The following PAPPA variants were observed in gnomAD, a reference collection of about 807,000 sequenced individuals.
PAPPA encodes the protein pappalysin-1.
In PAPPA, 60 loss-of-function variants were observed where a neutral mutation model predicts 164.0. The ratio of observed to expected loss-of-function variants is 0.37; its 90% CI spans 0.30 to 0.45. The LOEUF (loss-of-function observed/expected upper bound fraction) is 0.45, where lower values mean the gene tolerates loss of function less well. PAPPA is among the 20% of genes least tolerant of loss of function. The pLI is 1.00. For missense variants in PAPPA, 1,782 were observed against 2,087.3 expected, an observed-to-expected ratio of 0.85 and a Z score of 2.85; for synonymous variants, 875 against 814.1, an observed-to-expected ratio of 1.07 and a Z score of -1.27.
At chr9:116,284,576 G>A (rs551566297) in intron 9 of PAPPA, among the ~76,000 whole-genome samples, 35 of 86,774 alleles carry the variant, frequency 4.0e-4, no homozygotes, top group Admixed American at 6.8e-4. Flanking sequence ...TTTGACCCAT[G>A]AACTTGTATA....
At chr9:116,173,128 A>G in intron 1 of PAPPA, among the ~76,000 whole-genome samples, 1 of 152,194 alleles carries the variant, frequency 6.6e-6, no homozygotes, top group East Asian at 1.9e-4. Flanking sequence ...TGAACTAATC[A>G]TCCTCTACCT....
chr9:116,386,895 G>A (rs915712466), intron 21 of PAPPA, among the ~76,000 whole-genome samples: 9 of 152,162 alleles, frequency 5.9e-5, no homozygotes, highest in Non-Finnish European at 1.3e-4. Flanking sequence ...CCACAGAACA[G>A]AAGAAAGTTC....
intron 5 of PAPPA, 83 bp from the exon 6 acceptor site, chr9:116,227,348 C>T: frequency 7.1e-7 from 1 of 1,415,750 alleles, no homozygotes; most frequent in Non-Finnish European, 9.9e-7. Context: ...TCCTCTGCCC[C>T]ATTGACTCTG....
chr9:116,345,876 G>A (rs1846201132), intron 14 of PAPPA, among the ~76,000 whole-genome samples: 1 of 152,146 alleles, frequency 6.6e-6, no homozygotes, highest in Non-Finnish European at 1.5e-5. Flanking sequence ...TGGGATTTGA[G>A]GATTTCTGTC....
chr9:116,217,025 C>T (rs1217520124), intron 4 of PAPPA, among the ~76,000 whole-genome samples: 1 of 152,190 alleles, frequency 6.6e-6, no homozygotes, highest in Non-Finnish European at 1.5e-5. Context: ...CAGGAGAGAG[C>T]CACTGTGCCC....
At chr9:116,368,413 G>A (rs894227933) in intron 19 of PAPPA, among the ~76,000 whole-genome samples, 1 of 152,170 alleles carries the variant, frequency 6.6e-6, no homozygotes, top group Non-Finnish European at 1.5e-5. Flanking sequence ...TGAGGTGATG[G>A]GCCCTGAACC....
At chr9:116,339,623 C>A (rs1172000309) in intron 13 of PAPPA, among the ~76,000 whole-genome samples, 1 of 152,156 alleles carries the variant, frequency 6.6e-6, no homozygotes, top group Non-Finnish European at 1.5e-5. Flanking sequence ...TAGTGTGGAG[C>A]ACTTGTCTTT....
At chr9:116,206,350 C>A (rs554956698) in intron 2 of PAPPA, among the ~76,000 whole-genome samples, 1 of 152,250 alleles carries the variant, frequency 6.6e-6, no homozygotes, top group African/African-American at 2.4e-5. Context: ...CGCTAGATCT[C>A]AGACGTATCC....
chr9:116,213,539 A>C (rs994069891), intron 4 of PAPPA, among the ~76,000 whole-genome samples: 4 of 152,074 alleles, frequency 2.6e-5, no homozygotes, highest in African/African-American at 4.8e-5. Flanking sequence ...CTAAAGTTCC[A>C]TTTCTATAGC....
chr9:116,214,503 A>G (rs1176862315), intron 4 of PAPPA, among the ~76,000 whole-genome samples: 1 of 152,184 alleles, frequency 6.6e-6, no homozygotes, highest in Non-Finnish European at 1.5e-5. Flanking sequence ...GTTACTAACT[A>G]GTAAGTATCT....
chr9:116,327,896 G>A (rs535269119), intron 10 of PAPPA, among the ~76,000 whole-genome samples: 1 of 152,292 alleles, frequency 6.6e-6, no homozygotes, highest in East Asian at 1.9e-4. Context: ...AGTTTCAGCT[G>A]GATTTGTTCA....
At chr9:116,216,293 G>A (rs933601344) in intron 4 of PAPPA, among the ~76,000 whole-genome samples, 35 of 152,124 alleles carry the variant, frequency 2.3e-4, no homozygotes, top group Non-Finnish European at 4.4e-5. Flanking sequence ...GGCTGACGGG[G>A]GGTCAGCATT....
At chr9:116,328,395 T>C (rs2118942322) in intron 10 of PAPPA, among the ~76,000 whole-genome samples, 1 of 152,352 alleles carries the variant, frequency 6.6e-6, no homozygotes, top group Non-Finnish European at 1.5e-5. Flanking sequence ...TTTAAGTGGC[T>C]ATGTTCTACC....
rs901658023 is a variant in PAPPA at position 116,400,671 on chromosome 9, C to T, written c.*4055C>T. ...AGTGAGTTTTGAGAAACAAATCAAA[C>T]GAAGTAAACAAGAAACATAAAAACC... On this transcript the variant is annotated 3_prime_UTR_variant, in exon 22 of 22. Transcript: ENST00000328252. 5.3e-5 allele frequency: 8 copies of T among 152,096 alleles called. 1 individual carries two copies. In the South Asian group the frequency reaches 8.3e-4, roughly 16 times the overall value. The allele number at this position is 152,096 out of a possible 1,614,324, so 9.4% of individuals were successfully genotyped here.
Position 116,385,287 on chromosome 9 carries a change from A to C in PAPPA, c.4776+2794A>C, listed in dbSNP as rs1846793547. 2.3e-5 allele frequency among the ~76,000 whole-genome samples: 3 copies of C among 132,836 alleles called. No individual in the cohort carries two copies. In the South Asian group the frequency reaches 7.2e-4, roughly 32 times the overall value. 87.1% of individuals were successfully genotyped at this position (132,836 alleles called of 152,430 possible). A position where few individuals can be genotyped will look rare whatever the true frequency, so the allele number is the denominator to read the frequency against. Reference sequence around the variant, plus strand: ...TAAATAAATAAATAAATAAATAATAATTTGGAATCCACACCTGAACCTCAA... The same window carrying C: ...TAAATAAATAAATAAATAAATAATACTTTGGAATCCACACCTGAACCTCAA... On this transcript the variant is annotated intron_variant, in intron 21 of 21. Transcript: ENST00000328252.
At chr9:116,263,590 C>T (rs1386433903) in intron 7 of PAPPA, among the ~76,000 whole-genome samples, 1 of 152,098 alleles carries the variant, frequency 6.6e-6, no homozygotes, top group Non-Finnish European at 1.5e-5. Context: ...ATAGGCTGGG[C>T]CCATATGTGC....
chr9:116,178,581 T>C (rs1452491042), intron 1 of PAPPA, among the ~76,000 whole-genome samples: 6 of 152,234 alleles, frequency 3.9e-5, no homozygotes, highest in Non-Finnish European at 5.9e-5. Flanking sequence ...AAAGAGATTT[T>C]GTCCAAGGCT....
chr9:116,174,398 C>A (rs1843808696), intron 1 of PAPPA, among the ~76,000 whole-genome samples: 1 of 152,094 alleles, frequency 6.6e-6, no homozygotes, highest in Admixed American at 6.5e-5. Context: ...GAGCTCAGCC[C>A]ACACTGTGTG....
chr9:116,198,488 T>C (rs904390944), intron 2 of PAPPA, among the ~76,000 whole-genome samples: 7 of 152,226 alleles, frequency 4.6e-5, no homozygotes, highest in Non-Finnish European at 7.3e-5. Flanking sequence ...AAGTACAACA[T>C]TGAACATTGC....
Sources: gnomAD v4.1 joint callset for allele counts (sites outside exome capture counted in the v4.1 genomes callset) on GRCh38, gnomAD v4.1.1 for gene constraint, MANE v1.5 for transcripts, NCBI Gene and HGNC (gene_info 2026-07-23, HGNC 2026-07-21) for gene names.